The following TCF20 variants were observed in gnomAD, a reference collection of about 807,000 sequenced individuals.
TCF20 encodes the protein SPRE-binding protein.
TCF20 carries 3 observed loss-of-function variants against 148.6 expected under a neutral mutation model. The observed-to-expected ratio is 0.02, with a 90% CI of 0.01 to 0.05. The LOEUF is 0.05. Among genes scored for constraint, TCF20 ranks in the 10% least tolerant of loss-of-function variants. The pLI, the probability that TCF20 is intolerant of heterozygous loss-of-function variation, is 1.00. For synonymous variants in TCF20, 1,049 were observed against 909.5 expected (o/e 1.15, Z -2.76); for missense variants, 2,350 against 2,429.3 (o/e 0.97, Z 0.69).
chr22:42,163,937 C>T, intron 5 of TCF20, among the ~76,000 whole-genome samples: 1 of 152,194 alleles, frequency 6.6e-6, no homozygotes, highest in Non-Finnish European at 1.5e-5. Context: ...CCTTTGGCCT[C>T]ATCCGTGGCC....
intron 1 of TCF20, among the ~76,000 whole-genome samples, chr22:42,256,976 T>C (rs927248045): frequency 1.3e-5 from 2 of 152,258 alleles, no homozygotes; most frequent in East Asian, 1.9e-4. Flanking sequence ...CTGGTCAACA[T>C]AGAGAGACCC....
intron 1 of TCF20, among the ~76,000 whole-genome samples, chr22:42,245,114 TA>T (rs1444382579): frequency 1.3e-5 from 2 of 152,010 alleles, no homozygotes; most frequent in South Asian, 2.1e-4. Context: ...AAAAAATCTC[TA>T]AAAAGGTGTA....
intron 2 of TCF20, among the ~76,000 whole-genome samples, chr22:42,186,616 G>A (rs1352132150): frequency 6.6e-6 from 1 of 152,036 alleles, no homozygotes; most frequent in South Asian, 2.1e-4. Flanking sequence ...GCTGCTGGTC[G>A]TTTTTTTGGT....
chr22:42,256,527 T>C (rs909460652), intron 1 of TCF20, among the ~76,000 whole-genome samples: 6 of 152,100 alleles, frequency 3.9e-5, no homozygotes, highest in Admixed American at 2.6e-4. Flanking sequence ...TGTGATGTCC[T>C]TCATTCCAGC....
chr22:42,162,496 T>C (rs1935527681), intron 5 of TCF20, among the ~76,000 whole-genome samples: 1 of 152,180 alleles, frequency 6.6e-6, no homozygotes, highest in South Asian at 2.1e-4. Flanking sequence ...GACAGATGGA[T>C]TGTACCAAAG....
At chr22:42,222,922 G>A (rs1203130237) in intron 1 of TCF20, among the ~76,000 whole-genome samples, 1 of 152,186 alleles carries the variant, frequency 6.6e-6, no homozygotes, top group East Asian at 1.9e-4. Context: ...GGAGGCCGAG[G>A]CAGGCAGACT....
chr22:42,323,944 ATGGAGGTTAT>A (rs1569209743), intron 1 of TCF20, among the ~76,000 whole-genome samples: 5 of 12,422 alleles, frequency 4.0e-4, no homozygotes, highest in African/African-American at 1.2e-3. Flanking sequence ...GGTGGTGGTG[ATGGAGGTTAT>A]GGTGGTGGTG....
chr22:42,169,968 T>C (rs537529906), intron 3 of TCF20, 72 bp from the exon 4 acceptor site: 66 of 1,519,762 alleles, frequency 4.3e-5, no homozygotes, highest in African/African-American at 6.9e-5. Flanking sequence ...CTGGCTGGGA[T>C]TGACAGGGTC....
chr22:42,330,634 G>C (rs531139949), intron 1 of TCF20, among the ~76,000 whole-genome samples: 3 of 152,346 alleles, frequency 2.0e-5, no homozygotes, highest in African/African-American at 4.8e-5. Flanking sequence ...AAATAAATGA[G>C]TGGATGAGTG....
At chr22:42,324,949 C>G (rs1378352497) in intron 1 of TCF20, among the ~76,000 whole-genome samples, 4 of 152,238 alleles carry the variant, frequency 2.6e-5, no homozygotes, top group African/African-American at 9.6e-5. Flanking sequence ...AAGCCAGGCT[C>G]GGATGCCTCA....
chr22:42,305,557 A>G (rs1927416369), intron 1 of TCF20, among the ~76,000 whole-genome samples: 1 of 152,134 alleles, frequency 6.6e-6, no homozygotes, highest in South Asian at 2.1e-4. Flanking sequence ...AACAGCTGCT[A>G]AGTCAACATC....
chr22:42,264,176 C>T (rs946012762), intron 1 of TCF20, among the ~76,000 whole-genome samples: 2 of 150,420 alleles, frequency 1.3e-5, no homozygotes, highest in African/African-American at 2.4e-5. Flanking sequence ...GCTATCCTTG[C>T]TTTCCTTGAC....
chr22:42,206,975 G>A (rs941620116), intron 2 of TCF20, among the ~76,000 whole-genome samples: 2 of 152,130 alleles, frequency 1.3e-5, no homozygotes, highest in Non-Finnish European at 2.9e-5. Context: ...GAGAGATGAA[G>A]TGAGTGACAG....
intron 1 of TCF20, among the ~76,000 whole-genome samples, chr22:42,264,273 G>GGGGCGGGGGCA (rs1207011394): frequency 1.3e-5 from 2 of 149,642 alleles, no homozygotes; most frequent in African/African-American, 4.9e-5. Context: ...GGGCGGGGGC[G>GGGGCGGGGGCA]GGGCGGGGGC....
chr22:42,340,069 G>T (rs1187652141), intron 1 of TCF20, among the ~76,000 whole-genome samples: 2 of 152,184 alleles, frequency 1.3e-5, no homozygotes, highest in Non-Finnish European at 2.9e-5. Context: ...GCCATATTGA[G>T]ACCTGGTACA....
At chr22:42,258,395 T>G (rs907345181) in intron 1 of TCF20, among the ~76,000 whole-genome samples, 13 of 152,144 alleles carry the variant, frequency 8.5e-5, no homozygotes, top group Admixed American at 5.9e-4. Flanking sequence ...GAGAAGGATA[T>G]TCTTACTACC....
At chr22:42,181,472 C>T (rs563785657) in intron 2 of TCF20, among the ~76,000 whole-genome samples, 1 of 152,130 alleles carries the variant, frequency 6.6e-6, no homozygotes, top group East Asian at 1.9e-4. Flanking sequence ...AAGATATGGC[C>T]CTCCCTACCC....
chr22:42,330,476 G>A (rs904336931), intron 1 of TCF20, among the ~76,000 whole-genome samples: 1 of 152,130 alleles, frequency 6.6e-6, no homozygotes, highest in Non-Finnish European at 1.5e-5. Context: ...TCTGAGCTCA[G>A]ATGCTATATC....
At chr22:42,172,163 C>T (rs1936169959) in intron 3 of TCF20, among the ~76,000 whole-genome samples, 1 of 151,930 alleles carries the variant, frequency 6.6e-6, no homozygotes, top group Non-Finnish European at 1.5e-5. Flanking sequence ...GCAGACAATG[C>T]CCTCCTCTGT....
Sources: allele counts gnomAD v4.1 joint callset (sites outside exome capture counted in the v4.1 genomes callset), GRCh38; gene constraint gnomAD v4.1.1; transcripts MANE v1.5; gene names NCBI Gene and HGNC (gene_info 2026-07-23, HGNC 2026-07-21).